Variants in TMEM178B observed in about 807,000 individuals in gnomAD.
The protein encoded by TMEM178B is transmembrane protein 178B.
Under a neutral mutation model 31.0 loss-of-function variants are expected in TMEM178B, and 5 were observed. The ratio of observed to expected loss-of-function variants is 0.16; its 90% CI spans 0.08 to 0.34. TMEM178B has a LOEUF of 0.34. Ranked by LOEUF, TMEM178B falls within the 10% of genes least tolerant of loss-of-function variation. The probability of loss-of-function intolerance (pLI) is 1.00; values close to 1 mark genes in which losing one functional copy is unlikely to be tolerated. For synonymous variants in TMEM178B, 164 were observed against 164.0 expected, an observed-to-expected ratio of 1.00 and a Z score of 0.00; for missense variants, 275 against 400.3, an observed-to-expected ratio of 0.69 and a Z score of 2.67.
rs1563157489 is a variant in TMEM178B, at chr7:141,344,610, T to TCCTTCCTTCCTCCCTTCCTTCCTTCCTC, written c.497-92987_497-92986insCCCTTCCTTCCTTCCTCCCTTCCTTCCT. ...TTCCTTCCTTCCTTCCTTCCTTCCT[T>TCCTTCCTTCCTCCCTTCCTTCCTTCCTC]CCTTCCTTCCTTCCTTCCTCCCTTC... On this transcript the variant is annotated intron_variant, in intron 2 of 3. Coordinates refer to ENST00000565468, the MANE Select transcript of TMEM178B (RefSeq NM_001195278.2). The surrounding 1 kb of genome is among the most constrained non-coding windows in gnomAD (Gnocchi z 4.1). Among the ~76,000 whole-genome samples, 1 of 138,354 alleles carries TCCTTCCTTCCTCCCTTCCTTCCTTCCTC rather than the reference T, an allele frequency of 7.2e-6. No individual in the cohort carries two copies. Among genetic ancestry groups the TCCTTCCTTCCTCCCTTCCTTCCTTCCTC allele is most frequent in the African/African-American group, 2.7e-5 (1 of 37,026 alleles). 90.8% of individuals were successfully genotyped at this position (138,354 alleles called of 152,430 possible). A position where few individuals can be genotyped will look rare whatever the true frequency, so the allele number is the denominator to read the frequency against.
At chr7:141,184,721 C>T (rs910262531) in intron 1 of TMEM178B, among the ~76,000 whole-genome samples, 1 of 152,202 alleles carries the variant, frequency 6.6e-6, no homozygotes, top group African/African-American at 2.4e-5. Context: ...TCCAAAGCAA[C>T]ACATCCCCCT....
intron 2 of TMEM178B, among the ~76,000 whole-genome samples, chr7:141,252,526 C>A (rs2116342126): frequency 6.6e-6 from 1 of 152,314 alleles, no homozygotes; most frequent in East Asian, 1.9e-4. Context: ...GATGAGAATT[C>A]CTTGGGCCAG....
At chr7:141,260,837 C>A (rs924288819) in intron 2 of TMEM178B, among the ~76,000 whole-genome samples, 2 of 152,168 alleles carry the variant, frequency 1.3e-5, no homozygotes, top group Non-Finnish European at 2.9e-5. Flanking sequence ...AGGAATTTTA[C>A]ACTTACTGGG....
chr7:141,373,654 C>A (rs555069924), intron 2 of TMEM178B, among the ~76,000 whole-genome samples: 4 of 152,152 alleles, frequency 2.6e-5, no homozygotes, highest in African/African-American at 9.7e-5. Context: ...CCTCCACCCC[C>A]CCAACACACA....
At chr7:141,487,741 CAAAAAA>C in the TMEM178B span, among the ~76,000 whole-genome samples, 2,392 of 30,048 alleles carry the variant, frequency 0.08, 47 homozygotes, top group African/African-American at 0.17. Context: ...GACTCCGTCT[CAAAAAA>C]AAAAAAAAAA....
chr7:141,418,665 A>G (rs984517598), intron 2 of TMEM178B, among the ~76,000 whole-genome samples: 2 of 152,064 alleles, frequency 1.3e-5, no homozygotes, highest in South Asian at 2.1e-4. Flanking sequence ...TTCAAATTCT[A>G]TTCTTACCCT....
chr7:141,097,665 C>T (rs1475408720), intron 1 of TMEM178B, among the ~76,000 whole-genome samples: 1 of 152,066 alleles, frequency 6.6e-6, no homozygotes, highest in Non-Finnish European at 1.5e-5. Context: ...GCTAAATTTG[C>T]AAACTTTCCC....
At chr7:141,417,014 A>G (rs959915492) in intron 2 of TMEM178B, among the ~76,000 whole-genome samples, 2 of 152,218 alleles carry the variant, frequency 1.3e-5, no homozygotes, top group African/African-American at 2.4e-5. Flanking sequence ...ATTAGACATC[A>G]CTTTTGAACA....
intron 1 of TMEM178B, among the ~76,000 whole-genome samples, chr7:141,077,377 A>G (rs1466324528): frequency 6.6e-6 from 1 of 152,258 alleles, no homozygotes; most frequent in Non-Finnish European, 1.5e-5. Context: ...ACTTATCTAA[A>G]TGATCTAAAG....
At chr7:141,202,673 G>A (rs1255054063) in intron 1 of TMEM178B, among the ~76,000 whole-genome samples, 1 of 152,216 alleles carries the variant, frequency 6.6e-6, no homozygotes, top group Non-Finnish European at 1.5e-5. Flanking sequence ...GCAGCTATAA[G>A]CCTTGCAAAT....
intron 1 of TMEM178B, among the ~76,000 whole-genome samples, chr7:141,159,101 A>T (rs1305716406): frequency 6.6e-6 from 1 of 151,894 alleles, no homozygotes; most frequent in Admixed American, 6.6e-5. Context: ...GCCCCTTCCC[A>T]ACCTCTCCTG....
chr7:141,374,536 G>A lies in TMEM178B; in HGVS notation c.497-63072G>A, dbSNP rs115204311. 2.8e-3 allele frequency among the ~76,000 whole-genome samples: 424 copies of A among 152,290 alleles called. 3 individuals carry two copies. The highest frequency in any genetic ancestry group is 9.6e-3 in the African/African-American group (399 of 41,552). ...GTTCAGGGGAGAGAGCTGGCCTAGA[G>A]GTAGACTTGGAGTGAGAATGAGCCC... On this transcript the variant is annotated intron_variant, in intron 2 of 3. Coordinates refer to ENST00000565468, the MANE Select transcript of TMEM178B (RefSeq NM_001195278.2).
intron 2 of TMEM178B, among the ~76,000 whole-genome samples, chr7:141,410,505 CTCCT>C (rs1322991232): frequency 4.2e-4 from 61 of 146,496 alleles, no homozygotes; most frequent in East Asian, 2.0e-3. Flanking sequence ...CCTTCCTTCC[CTCCT>C]TCCTTCCTTC....
At chr7:141,404,894 C>G (rs1359108997) in intron 2 of TMEM178B, among the ~76,000 whole-genome samples, 1 of 152,228 alleles carries the variant, frequency 6.6e-6, no homozygotes, top group African/African-American at 2.4e-5. Flanking sequence ...GCTGTATCCA[C>G]TGCTCTGAAC....
At chr7:141,408,953 G>C (rs1038206788) in intron 2 of TMEM178B, among the ~76,000 whole-genome samples, 3 of 152,184 alleles carry the variant, frequency 2.0e-5, no homozygotes, top group African/African-American at 7.2e-5. Context: ...GTCATGAAAG[G>C]TGTATTTGTG....
chr7:141,470,221 G>C (rs965554686), intron 3 of TMEM178B, among the ~76,000 whole-genome samples: 1 of 152,110 alleles, frequency 6.6e-6, no homozygotes, highest in African/African-American at 2.4e-5. Flanking sequence ...ATGCTCTTCT[G>C]CTCACTCTAC....
At chr7:141,084,024 C>T (rs937669814) in intron 1 of TMEM178B, among the ~76,000 whole-genome samples, 4 of 152,138 alleles carry the variant, frequency 2.6e-5, no homozygotes, top group Admixed American at 6.5e-5. Context: ...AGGCTGGTCT[C>T]GAACTCCTGA....
In TMEM178B at chr7:141,157,422, C is replaced by T. The variant is rs906514090; in HGVS notation, c.383-55169C>T. ...AGATCCTCTCTTTCCTACTCCTGCG[C>T]GCGTGCACACACACACACACGCACA... is the stretch of plus-strand genomic sequence containing the variant. On this transcript the variant is annotated intron_variant, in intron 1 of 3. Transcript: ENST00000565468. Among the ~76,000 whole-genome samples the T allele has an allele frequency of 6.7e-5, 10 of 150,204 alleles. No individual in the cohort carries two copies. The South Asian group carries it at 2.1e-3, about 31-fold the overall frequency.
In TMEM178B at chr7:141,478,629, A is replaced by G. The variant is rs1031546224; in HGVS notation, c.*7843A>G. ...CTACATTTTAACCTAACATGTCAAA[A>G]ATAGTATCACTTCAGCATGGAATCA... On this transcript the variant is annotated 3_prime_UTR_variant, in exon 4 of 4. Coordinates refer to ENST00000565468, the MANE Select transcript of TMEM178B (RefSeq NM_001195278.2). The G allele has an allele frequency of 1.3e-5, 2 of 152,344 alleles. No individual in the cohort carries two copies. The highest frequency in any genetic ancestry group is 6.5e-5 in the Admixed American group (1 of 15,304). The allele number at this position is 152,344 out of a possible 1,614,324, so 9.4% of individuals were successfully genotyped here.
Sources: allele counts gnomAD v4.1 joint callset (sites outside exome capture counted in the v4.1 genomes callset), GRCh38; gene constraint gnomAD v4.1.1; non-coding constraint Gnocchi (gnomAD v3.1); transcripts MANE v1.5; gene names NCBI Gene and HGNC (gene_info 2026-07-23, HGNC 2026-07-21).